GNAL: variants seen among roughly 807,000 people sequenced by gnomAD.
The protein encoded by GNAL is guanine nucleotide-binding protein G(olf) subunit alpha.
In GNAL, 18 loss-of-function variants were observed where a neutral mutation model predicts 55.1. That is an observed-to-expected ratio of 0.33 (90% confidence interval 0.23 to 0.48). The LOEUF (loss-of-function observed/expected upper bound fraction) is 0.48, where lower values mean the gene tolerates loss of function less well. GNAL is among the 20% of genes least tolerant of loss of function. GNAL has a pLI of 0.99. For missense variants in GNAL, 412 were observed against 614.1 expected (o/e 0.67, Z 3.48); for synonymous variants, 253 against 237.0 (o/e 1.07, Z -0.62).
chr18:11,846,726 TTTG>T lies in GNAL; in HGVS notation c.723-15657_723-15655del, dbSNP rs150158681. ...TGAGGGACAGTGACTTTGGTTTTGT[TTTG>T]TTGTTGTTGTTTTTGAGACAGGATC... On this transcript the variant is annotated intron_variant, in intron 5 of 11. Coordinates refer to ENST00000334049, the MANE Select transcript of GNAL (RefSeq NM_182978.4). Among the ~76,000 whole-genome samples, 1,067 of 151,842 alleles carry T rather than the reference TTTG, an allele frequency of 7.0e-3. 11 individuals carry two copies. The highest frequency in any genetic ancestry group is 0.024 in the African/African-American group (1,006 of 41,452).
chr18:11,869,523 T>C (rs16976774), intron 9 of GNAL, among the ~76,000 whole-genome samples: 41,542 of 152,152 alleles, frequency 0.27, 6,587 homozygotes, highest in African/African-American at 0.44. Flanking sequence ...GCTAAGATTA[T>C]ATTCGGCCTT....
intron 4 of GNAL, among the ~76,000 whole-genome samples, chr18:11,764,656 C>G (rs2033349789): frequency 1.3e-5 from 2 of 152,074 alleles, no homozygotes; most frequent in South Asian, 2.1e-4. Flanking sequence ...AAAAAATACA[C>G]TGGGTGTGGT....
At chr18:11,692,891 C>G (rs2031297747) in intron 1 of GNAL, among the ~76,000 whole-genome samples, 1 of 152,132 alleles carries the variant, frequency 6.6e-6, no homozygotes, top group Non-Finnish European at 1.5e-5. Flanking sequence ...AACTGACCCA[C>G]CCACGTCAGC....
intron 9 of GNAL, among the ~76,000 whole-genome samples, chr18:11,871,471 G>A (rs924047647): frequency 5.3e-5 from 8 of 152,026 alleles, no homozygotes; most frequent in East Asian, 1.9e-4. Context: ...GGCTGGTCTC[G>A]AACTCCTGAC....
At chr18:11,864,821 G>A (rs1241989456) in intron 7 of GNAL, among the ~76,000 whole-genome samples, 3 of 152,320 alleles carry the variant, frequency 2.0e-5, no homozygotes, top group South Asian at 4.1e-4. Flanking sequence ...GGAAGGCAGT[G>A]TTTGCATCTG....
At chr18:11,823,594 C>T (rs2035161937) in intron 4 of GNAL, among the ~76,000 whole-genome samples, 1 of 152,178 alleles carries the variant, frequency 6.6e-6, no homozygotes, top group Admixed American at 6.5e-5. Flanking sequence ...GCATTAAACC[C>T]CTCACAGTGC....
chr18:11,829,980 G>A (rs969177202), intron 5 of GNAL, among the ~76,000 whole-genome samples: 4 of 152,114 alleles, frequency 2.6e-5, no homozygotes, highest in African/African-American at 9.7e-5. Flanking sequence ...ACTCCAGCCT[G>A]GGCAAGAGAG....
In GNAL at chr18:11,881,033, G is replaced by A. The variant is rs780742831; in HGVS notation, c.1275G>A (p.Pro425=). Residue 425 remains proline (P), a synonymous_variant, in exon 12 of 12, where the codon CCG becomes CCA. Transcript: ENST00000334049. The surrounding 1 kb of genome is among the most constrained non-coding windows in gnomAD (Gnocchi z 4.8). ...ATGDGKHYCY[P]HFTCAVDTEN... is the part of the protein sequence containing the mutation. ...GTGACGGCAAACATTACTGCTACCC[G>A]CACTTCACCTGCGCCGTGGACACAG... The A allele has an allele frequency of 9.9e-6, 16 of 1,613,946 alleles. No individual in the cohort carries two copies. The highest frequency in any genetic ancestry group is 4.4e-5 in the South Asian group (4 of 91,072).
intron 4 of GNAL, among the ~76,000 whole-genome samples, chr18:11,756,980 T>G (rs1248295157): frequency 6.6e-6 from 1 of 152,230 alleles, no homozygotes; most frequent in East Asian, 1.9e-4. Context: ...AGGGGTAAGA[T>G]AACTTTTGAA....
intron 4 of GNAL, among the ~76,000 whole-genome samples, chr18:11,759,277 A>G (rs989794329): frequency 2.0e-5 from 3 of 152,248 alleles, no homozygotes; most frequent in South Asian, 2.1e-4. Context: ...GTTGAATTCA[A>G]TTGAGTTATT....
chr18:11,829,879 A>C (rs867650066), intron 5 of GNAL, among the ~76,000 whole-genome samples: 17 of 152,184 alleles, frequency 1.1e-4, no homozygotes, highest in Middle Eastern at 3.4e-3. Context: ...GCATGGTGGC[A>C]CACACCTGTA....
At chr18:11,813,770 C>G (rs1054149116) in intron 4 of GNAL, among the ~76,000 whole-genome samples, 3 of 152,138 alleles carry the variant, frequency 2.0e-5, no homozygotes, top group Admixed American at 6.5e-5. Flanking sequence ...CCCAGCTACT[C>G]AGGAGGCTGA....
chr18:11,843,402 G>A (rs1239358529), intron 5 of GNAL, among the ~76,000 whole-genome samples: 2 of 152,162 alleles, frequency 1.3e-5, no homozygotes, highest in African/African-American at 4.8e-5. Flanking sequence ...GTGCACACCT[G>A]TAATCCCAGC....
rs143237188 is a variant in GNAL at position 11,774,858 on chromosome 18, G to A, written c.624+20913G>A. The stretch of plus-strand genomic sequence containing the variant: ...GATTTTTGTTTGCAGAGTTTAGGTC[G>A]ATAGACATTGCGGGTATATTTCTAA... On this transcript the variant is annotated intron_variant, in intron 4 of 11. Coordinates refer to ENST00000334049, the MANE Select transcript of GNAL (RefSeq NM_182978.4). 4.5e-3 allele frequency among the ~76,000 whole-genome samples: 692 copies of A among 152,286 alleles called. 7 individuals are homozygous for A. The highest frequency in any genetic ancestry group is 0.016 in the African/African-American group (646 of 41,538).
chr18:11,742,715 C>A (rs900771377), intron 1 of GNAL, among the ~76,000 whole-genome samples: 2 of 152,212 alleles, frequency 1.3e-5, no homozygotes, highest in African/African-American at 2.4e-5. Flanking sequence ...CGCCTTCCCT[C>A]CATGTGGTCC....
chr18:11,845,247 C>T (rs529285888), intron 5 of GNAL, among the ~76,000 whole-genome samples: 27 of 152,242 alleles, frequency 1.8e-4, no homozygotes, highest in African/African-American at 5.8e-4. Context: ...TTCCATATTC[C>T]TTCAGAGGTG....
At chr18:11,850,808 G>T (rs528611301) in intron 5 of GNAL, among the ~76,000 whole-genome samples, 1 of 152,284 alleles carries the variant, frequency 6.6e-6, no homozygotes, top group East Asian at 1.9e-4. Flanking sequence ...TAAATTTGGT[G>T]GTGCCACAGT....
intron 1 of GNAL, among the ~76,000 whole-genome samples, chr18:11,725,742 T>G (rs768526122): frequency 8.5e-5 from 13 of 152,260 alleles, no homozygotes; most frequent in Non-Finnish European, 1.5e-4. Flanking sequence ...AGCATTCGTG[T>G]GCAGGTTTTT....
chr18:11,867,540 C>T (rs147634120), intron 8 of GNAL, among the ~76,000 whole-genome samples: 20,545 of 151,828 alleles, frequency 0.14, 1,760 homozygotes, highest in Non-Finnish European at 0.2. Context: ...TTAGGCCGGG[C>T]GTGGTGGCTC....
Sources: gnomAD v4.1 joint callset for allele counts (sites outside exome capture counted in the v4.1 genomes callset) on GRCh38, gnomAD v4.1.1 for gene constraint, Gnocchi (gnomAD v3.1) non-coding constraint, MANE v1.5 for transcripts, NCBI Gene and HGNC (gene_info 2026-07-23, HGNC 2026-07-21) for gene names.